Variants in DMD observed in about 807,000 individuals in gnomAD.
DMD encodes the protein dystrophin.
In DMD, 63 loss-of-function variants were observed where a neutral mutation model predicts 330.1. That is an observed-to-expected ratio of 0.19 (90% CI 0.16 to 0.24). The LOEUF (loss-of-function observed/expected upper bound fraction) is 0.24. Ranked by LOEUF, DMD falls within the 10% of genes least tolerant of loss-of-function variation. The probability of loss-of-function intolerance (pLI) is 1.00; values close to 1 mark genes in which losing one functional copy is unlikely to be tolerated. For missense variants in DMD, 3,344 were observed against 2,684.1 expected, an observed-to-expected ratio of 1.25 and a Z score of -5.43; for synonymous variants, 1,223 against 959.8, an observed-to-expected ratio of 1.27 and a Z score of -5.07.
rs1603444521 is a variant in DMD at position 31,674,495 on chromosome X, C to T, written c.7872+4880G>A. Among the ~76,000 whole-genome samples the T allele has an allele frequency of 6.3e-5, 7 of 111,967 alleles. No individual in the cohort carries two copies. In the South Asian group the frequency reaches 2.6e-3, roughly 41 times the overall value. Reference sequence around the variant, plus strand: ...TCAGATAGTTTTCAATATTATATAGCCAAATCAGCCAGGCTCAAACAAGAT... The same window carrying T: ...TCAGATAGTTTTCAATATTATATAGTCAAATCAGCCAGGCTCAAACAAGAT... On this transcript the variant is annotated intron_variant, in intron 53 of 78. Coordinates refer to ENST00000357033, the MANE Select transcript of DMD (RefSeq NM_004006.3).
intron 18 of DMD, among the ~76,000 whole-genome samples, chrX:32,503,698 GGC>G (rs2044308033): frequency 9.1e-6 from 1 of 110,220 alleles, no homozygotes; most frequent in Non-Finnish European, 1.9e-5. Context: ...CGGGATTACA[GGC>G]GTGCACCACC....
intron 60 of DMD, among the ~76,000 whole-genome samples, chrX:31,377,168 G>T (rs1019097766): frequency 7.2e-5 from 8 of 111,763 alleles, no homozygotes; most frequent in African/African-American, 2.6e-4. Flanking sequence ...AGAGTAGAGC[G>T]GGAGGTGGCG....
chrX:32,565,916 G>T (rs2051648032), intron 15 of DMD, 35 bp from the exon 16 acceptor site: 1 of 1,146,947 alleles, frequency 8.7e-7, no homozygotes, highest in African/African-American at 1.8e-5. Flanking sequence ...AATAAGCCTG[G>T]GTTGCATTCC....
At position 32,072,532 on chromosome X, in the gene DMD, C is replaced by T. The variant is rs752629514; in HGVS notation, c.6439-104018G>A. Among the ~76,000 whole-genome samples, 430 of 111,493 alleles carry T rather than the reference C, an allele frequency of 3.9e-3. 1 individual carries two copies. The highest frequency in any genetic ancestry group is 6.9e-3 in the Non-Finnish European group (365 of 53,101). ...AATTCCTTGAGTGCAGTTTCAAGTA[C>T]AGATTGTAGTATCTATCAATGTCTT... On this transcript the variant is annotated intron_variant, in intron 44 of 78. Coordinates refer to ENST00000357033, the MANE Select transcript of DMD (RefSeq NM_004006.3).
chrX:32,505,083 G>C (rs2044483201), intron 18 of DMD, among the ~76,000 whole-genome samples: 2 of 111,287 alleles, frequency 1.8e-5, no homozygotes, highest in African/African-American at 3.3e-5. Flanking sequence ...GATAGCAGTG[G>C]AGAAAACAGA....
chrX:32,398,210 C>A (rs1002690499), intron 30 of DMD, among the ~76,000 whole-genome samples: 29 of 108,169 alleles, frequency 2.7e-4, no homozygotes, highest in Non-Finnish European at 5.2e-4. Flanking sequence ...TATAATAATT[C>A]AACAAGTAAA....
At chrX:32,196,905 A>G (rs192598882) in intron 44 of DMD, among the ~76,000 whole-genome samples, 2,180 of 102,065 alleles carry the variant, frequency 0.021, 28 homozygotes, top group Non-Finnish European at 0.025. Context: ...AGAATGGCGT[A>G]AACCCGGGAG....
intron 50 of DMD, among the ~76,000 whole-genome samples, chrX:31,796,644 T>C (rs1472784673): frequency 1.8e-5 from 2 of 111,852 alleles, no homozygotes; most frequent in Non-Finnish European, 3.8e-5. Context: ...GAATTGGTAG[T>C]AAAATTATTT....
intron 48 of DMD, among the ~76,000 whole-genome samples, chrX:31,868,652 A>T (rs1457098534): frequency 1.8e-5 from 2 of 111,661 alleles, no homozygotes; most frequent in East Asian, 5.6e-4. Context: ...GGCTTACAGA[A>T]TTCCCAATCT....
intron 20 of DMD, among the ~76,000 whole-genome samples, chrX:32,487,476 T>G (rs918639190): frequency 1.8e-5 from 2 of 111,288 alleles, no homozygotes; most frequent in Non-Finnish European, 3.8e-5. Context: ...ATACCAATTC[T>G]GAACGAATTG....
intron 67 of DMD, among the ~76,000 whole-genome samples, chrX:31,198,058 G>C (rs1234831670): frequency 2.0e-5 from 2 of 100,449 alleles, no homozygotes; most frequent in African/African-American, 7.4e-5. Context: ...TGAACTCATG[G>C]AGATAGAGTA....
chrX:32,378,532 T>C (rs538697043), intron 34 of DMD, among the ~76,000 whole-genome samples: 1 of 110,797 alleles, frequency 9.0e-6, no homozygotes, highest in Admixed American at 9.8e-5. Flanking sequence ...TCATGAGTAA[T>C]TGACATTTTT....
intron 45 of DMD, among the ~76,000 whole-genome samples, chrX:31,943,504 T>G (rs1351410790): frequency 8.9e-6 from 1 of 112,035 alleles, no homozygotes; most frequent in African/African-American, 3.2e-5. Context: ...TCTACTTACC[T>G]TAGAATCAAA....
At position 31,323,706 on chromosome X, in the gene DMD, C is replaced by T. The variant is rs186146032; in HGVS notation, c.9164-48G>A. ...AGAAAGGCAAGGAGGTCAAATTCATCGCAAACAGGAAAGACAACATTAATC... is the reference window on the plus strand; with the variant it reads ...AGAAAGGCAAGGAGGTCAAATTCATTGCAAACAGGAAAGACAACATTAATC... On this transcript the variant is annotated intron_variant, in intron 61 of 78. Transcript: ENST00000357033. 4.8e-4 allele frequency: 514 copies of T among 1,061,296 alleles called. 4 individuals carry two copies. The African/African-American group carries it at 6.2e-3, about 13-fold the overall frequency. The allele number at this position is 1,061,296 out of a possible 1,213,427, so 87.5% of individuals were successfully genotyped here. A position where few individuals can be genotyped will look rare whatever the true frequency, so the allele number is the denominator to read the frequency against.
chrX:31,881,280 C>T (rs953661433), intron 47 of DMD, among the ~76,000 whole-genome samples: 9 of 109,268 alleles, frequency 8.2e-5, no homozygotes, highest in African/African-American at 2.7e-4. Context: ...GGGCCAGGCG[C>T]GGTGGCTCAC....
At chrX:32,731,276 C>T (rs1032258074) in intron 7 of DMD, among the ~76,000 whole-genome samples, 16 of 112,312 alleles carry the variant, frequency 1.4e-4, no homozygotes, top group Admixed American at 2.8e-4. Flanking sequence ...AACGGAATCT[C>T]GCTGATTGCT....
intron 47 of DMD, among the ~76,000 whole-genome samples, chrX:31,881,191 TC>T (rs1367055489): frequency 2.7e-5 from 3 of 110,978 alleles, no homozygotes; most frequent in African/African-American, 9.8e-5. Context: ...TATTACAGAG[TC>T]AAAAACTTAA....
intron 1 of DMD, among the ~76,000 whole-genome samples, chrX:33,059,046 T>G (rs750695684): frequency 8.9e-6 from 1 of 112,220 alleles, no homozygotes; most frequent in East Asian, 2.8e-4. Flanking sequence ...ATTAGTGTAT[T>G]ATAATAGATA....
chrX:32,597,141 T>A (rs932405315), intron 12 of DMD, among the ~76,000 whole-genome samples: 2 of 111,870 alleles, frequency 1.8e-5, no homozygotes, highest in African/African-American at 6.5e-5. Context: ...AAATCATTTC[T>A]TTATCATTCA....
Sources: allele counts gnomAD v4.1 joint callset (sites outside exome capture counted in the v4.1 genomes callset), GRCh38; gene constraint gnomAD v4.1.1; transcripts MANE v1.5; gene names NCBI Gene and HGNC (gene_info 2026-07-23, HGNC 2026-07-21).